Variants in KCNIP4 observed in about 807,000 individuals in gnomAD.
The protein encoded by KCNIP4 is potassium voltage-gated channel interacting protein 4.
A neutral mutation model predicts 34.0 loss-of-function variants in KCNIP4; 12 were observed. The observed-to-expected ratio is 0.35, with a 90% CI of 0.23 to 0.57. The LOEUF is 0.57. Among genes scored for constraint, KCNIP4 ranks in the 20% least tolerant of loss-of-function variants. KCNIP4 has a pLI of 0.83. For missense variants in KCNIP4, 238 were observed against 311.7 expected (o/e 0.76, Z 1.78); for synonymous variants, 124 against 102.2 (o/e 1.21, Z -1.29).
chr4:21,488,972 C>T (rs1732142686), intron 1 of KCNIP4, among the ~76,000 whole-genome samples: 1 of 151,996 alleles, frequency 6.6e-6, no homozygotes, highest in African/African-American at 2.4e-5. Flanking sequence ...TGAATTAAGG[C>T]TTATAAGAAA....
chr4:21,060,685 C>T (rs1743836550), intron 1 of KCNIP4, among the ~76,000 whole-genome samples: 1 of 152,124 alleles, frequency 6.6e-6, no homozygotes, highest in Non-Finnish European at 1.5e-5. Context: ...GGACCCTTTC[C>T]AACTTCTCTC....
chr4:21,044,378 C>G (rs1428463870), intron 1 of KCNIP4, among the ~76,000 whole-genome samples: 2 of 151,952 alleles, frequency 1.3e-5, no homozygotes, highest in African/African-American at 4.8e-5. Flanking sequence ...ATGGCGTGAT[C>G]TTGGCTCACT....
chr4:21,820,281 G>GTTTATATATATATATA (rs1485869715), intron 1 of KCNIP4, among the ~76,000 whole-genome samples: 1 of 17,912 alleles, frequency 5.6e-5, no homozygotes, highest in African/African-American at 1.7e-4. Context: ...GTATGTGTGT[G>GTTTATATATATATATA]TGTGTATATA....
chr4:21,605,943 T>A (rs1743614622), intron 1 of KCNIP4, among the ~76,000 whole-genome samples: 1 of 152,104 alleles, frequency 6.6e-6, no homozygotes, highest in African/African-American at 2.4e-5. Flanking sequence ...AAAAAAACCA[T>A]CCTCTGTTGT....
intron 1 of KCNIP4, among the ~76,000 whole-genome samples, chr4:21,549,540 T>C (rs1433339175): frequency 6.6e-6 from 1 of 151,948 alleles, no homozygotes; most frequent in Non-Finnish European, 1.5e-5. Context: ...TCCTTAGGCC[T>C]CACTAGAAGC....
chr4:21,561,349 G>T (rs912035106), intron 1 of KCNIP4, among the ~76,000 whole-genome samples: 10 of 152,002 alleles, frequency 6.6e-5, no homozygotes, highest in Admixed American at 1.3e-4. Flanking sequence ...TTCCCTGATA[G>T]AAAGAAAAGA....
intron 1 of KCNIP4, among the ~76,000 whole-genome samples, chr4:21,484,518 T>C (rs12640010): frequency 0.19 from 29,402 of 152,184 alleles, 3,405 homozygotes; most frequent in African/African-American, 0.32. Context: ...TAAAATAATA[T>C]GCAGAAGTGT....
Position 20,882,694 on chromosome 4 carries a change from T to C in KCNIP4, c.77A>G (p.Gln26Arg). 2 of 1,613,446 alleles carry C rather than the reference T, an allele frequency of 1.2e-6. No homozygotes were observed. The highest frequency in any genetic ancestry group is 1.7e-6 in the Non-Finnish European group (2 of 1,179,636). The change falls in exon 2 of 9, where the codon CAG becomes CGG. Residue 26 changes from glutamine (Q) to arginine (R), a missense_variant. By Grantham distance (43) the Gln-to-Arg change is conservative (BLOSUM62 1). Coordinates refer to ENST00000382152, the MANE Select transcript of KCNIP4 (RefSeq NM_025221.6). ...TTTAATGCTGCGCTTGGTGCTGTTC[T>C]GAGCGTACAGGAAACCTAGAAGATA... ...ASSTGGFLYA[Q>R]NSTKRSIKER...
intron 3 of KCNIP4, among the ~76,000 whole-genome samples, chr4:20,797,553 C>T (rs574273472): frequency 6.6e-6 from 1 of 152,304 alleles, no homozygotes; most frequent in Non-Finnish European, 1.5e-5. Context: ...GATCTTAAGA[C>T]AGAGAATTTA....
At chr4:20,772,083 C>A (rs1041056178) in intron 3 of KCNIP4, among the ~76,000 whole-genome samples, 1 of 152,128 alleles carries the variant, frequency 6.6e-6, no homozygotes, top group Non-Finnish European at 1.5e-5. Flanking sequence ...GATGTTTTAC[C>A]ACACAATGTT....
chr4:21,380,009 T>G (rs2109471089), intron 1 of KCNIP4, among the ~76,000 whole-genome samples: 1 of 152,262 alleles, frequency 6.6e-6, no homozygotes, highest in South Asian at 2.1e-4. Context: ...CAGAGGAATT[T>G]TCTTACATAT....
chr4:21,695,838 C>A lies in KCNIP4; in HGVS notation c.61+252733G>T, dbSNP rs923691863. On this transcript the variant is annotated intron_variant, in intron 1 of 8. Coordinates refer to ENST00000382152, the MANE Select transcript of KCNIP4 (RefSeq NM_025221.6). The stretch of plus-strand genomic sequence containing the variant: ...ATAAAATATTTCTCTAATTTCATAG[C>A]AAGGTAAAAGATCACCTCTTGCTCA... Among the ~76,000 whole-genome samples, 11 of 152,066 alleles carry A rather than the reference C, an allele frequency of 7.2e-5. 1 individual carries two copies. The highest frequency in any genetic ancestry group is 5.2e-4 in the Admixed American group (8 of 15,256).
intron 1 of KCNIP4, among the ~76,000 whole-genome samples, chr4:21,354,060 T>A (rs1457099990): frequency 6.6e-6 from 1 of 152,132 alleles, no homozygotes; most frequent in African/African-American, 2.4e-5. Context: ...GCTTCATAAG[T>A]GTGGGAGAAA....
intron 1 of KCNIP4, among the ~76,000 whole-genome samples, chr4:21,612,595 T>A (rs755325673): frequency 6.6e-6 from 1 of 152,216 alleles, no homozygotes; most frequent in Non-Finnish European, 1.5e-5. Context: ...TAAGCCACAT[T>A]GGCATACTCT....
At chr4:21,263,204 A>G (rs990180894) in intron 1 of KCNIP4, among the ~76,000 whole-genome samples, 2 of 152,190 alleles carry the variant, frequency 1.3e-5, no homozygotes, top group African/African-American at 4.8e-5. Context: ...AGAATACACT[A>G]TATGCCAGGC....
intron 1 of KCNIP4, among the ~76,000 whole-genome samples, chr4:21,105,693 T>C (rs1321290878): frequency 2.0e-5 from 3 of 151,770 alleles, no homozygotes; most frequent in Non-Finnish European, 2.9e-5. Context: ...ATGGAAGGCT[T>C]CCAGTTTTTG....
chr4:21,707,887 C>T (rs1012451184), intron 1 of KCNIP4, among the ~76,000 whole-genome samples: 2 of 151,220 alleles, frequency 1.3e-5, no homozygotes, highest in Admixed American at 1.3e-4. Context: ...TCCTCAAGCC[C>T]AATATTCCAT....
At chr4:21,732,492 A>C (rs1715681637) in intron 1 of KCNIP4, among the ~76,000 whole-genome samples, 1 of 152,148 alleles carries the variant, frequency 6.6e-6, no homozygotes, top group South Asian at 2.1e-4. Context: ...AAATTTCCAC[A>C]ATAACTAAAA....
chr4:21,682,707 AG>A (rs1287834316), intron 1 of KCNIP4, among the ~76,000 whole-genome samples: 1 of 152,128 alleles, frequency 6.6e-6, no homozygotes, highest in African/African-American at 2.4e-5. Context: ...GCCATTAAAA[AG>A]TTATTAATTG....
Sources: gnomAD v4.1 joint callset for allele counts (sites outside exome capture counted in the v4.1 genomes callset) on GRCh38, gnomAD v4.1.1 for gene constraint, MANE v1.5 for transcripts, NCBI Gene and HGNC (gene_info 2026-07-23, HGNC 2026-07-21) for gene names.